The following DLGAP2 variants were observed in gnomAD, a reference collection of about 807,000 sequenced individuals.
DLGAP2 encodes DLG associated protein 2, also known as disks large-associated protein 2.
In DLGAP2, 26 loss-of-function variants were observed where a neutral mutation model predicts 100.3. The observed-to-expected ratio is 0.26, with a 90% CI of 0.19 to 0.36. The LOEUF (loss-of-function observed/expected upper bound fraction) is 0.36. Ranked by LOEUF, DLGAP2 falls within the 10% of genes least tolerant of loss-of-function variation. The pLI is 1.00. For synonymous variants in DLGAP2, 886 were observed against 630.1 expected (o/e 1.41, Z -6.08); for missense variants, 1,858 against 1,453.2 (o/e 1.28, Z -4.53).
At chr8:1,367,380 C>G in intron 3 of DLGAP2, among the ~76,000 whole-genome samples, 1 of 152,302 alleles carries the variant, frequency 6.6e-6, no homozygotes, top group African/African-American at 2.4e-5. Context: ...TTGTTCCTGT[C>G]TCTCTGGGAA....
intron 1 of DLGAP2, among the ~76,000 whole-genome samples, chr8:804,042 C>T (rs1796220638): frequency 6.6e-6 from 1 of 152,040 alleles, no homozygotes; most frequent in South Asian, 2.1e-4. Context: ...TATATGGTGG[C>T]GAGAGTGGTG....
intron 2 of DLGAP2, among the ~76,000 whole-genome samples, chr8:1,113,232 C>T (rs1274202849): frequency 2.0e-5 from 3 of 151,958 alleles, no homozygotes; most frequent in African/African-American, 7.3e-5. Context: ...TTTTCTAGTT[C>T]TGTAAAGAGT....
intron 1 of DLGAP2, among the ~76,000 whole-genome samples, chr8:904,011 C>T (rs1747818591): frequency 6.6e-6 from 1 of 152,202 alleles, no homozygotes; most frequent in Non-Finnish European, 1.5e-5. Context: ...GCAGGGGACA[C>T]ACGCGGTCCA....
At chr8:948,376 C>G (rs1307786808) in intron 2 of DLGAP2, among the ~76,000 whole-genome samples, 1 of 152,196 alleles carries the variant, frequency 6.6e-6, no homozygotes, top group Non-Finnish European at 1.5e-5. Context: ...AAGACGTGAG[C>G]TCGGCCAGCC....
At chr8:1,003,109 C>T (rs1433647442) in intron 2 of DLGAP2, 3 of 152,406 alleles carry the variant, frequency 2.0e-5, no homozygotes, top group Admixed American at 2.0e-4. Context: ...GCAGAGACCC[C>T]TGAGCACTCA....
chr8:1,164,127 CATTTT>C, intron 2 of DLGAP2, among the ~76,000 whole-genome samples: 1 of 94,190 alleles, frequency 1.1e-5, no homozygotes, highest in South Asian at 3.2e-4. Flanking sequence ...CAGGGCCCGT[CATTTT>C]GGTTTGTGGG....
intron 4 of DLGAP2, among the ~76,000 whole-genome samples, chr8:1,523,375 C>T (rs1268455446): frequency 1.3e-5 from 2 of 152,214 alleles, no homozygotes; most frequent in African/African-American, 2.4e-5. Flanking sequence ...ACAGCACAGA[C>T]GGGGGATTTG....
At chr8:1,209,464 T>C (rs995041547) in intron 2 of DLGAP2, among the ~76,000 whole-genome samples, 3 of 152,248 alleles carry the variant, frequency 2.0e-5, no homozygotes, top group African/African-American at 7.2e-5. Context: ...CCTAGATCTG[T>C]GCTGGTCCCA....
At chr8:1,112,484 C>T (rs1228718661) in intron 2 of DLGAP2, among the ~76,000 whole-genome samples, 1 of 152,196 alleles carries the variant, frequency 6.6e-6, no homozygotes, top group Non-Finnish European at 1.5e-5. Context: ...TCATGATTCA[C>T]CTGCCTCAGC....
rs1490402833 is a variant in DLGAP2, at chr8:1,582,556, C to T, written c.1442+16662C>T. Among the ~76,000 whole-genome samples, 9 of 151,586 alleles carry T rather than the reference C, an allele frequency of 5.9e-5. No homozygotes were observed. In the South Asian group the frequency reaches 1.3e-3, roughly 21 times the overall value. The stretch of plus-strand genomic sequence containing the variant: ...GCTAGGGAAATTCATTGCTAGCAGA[C>T]CAGTACTGCAAGAAATAGGAAATGA... On this transcript the variant is annotated intron_variant, in intron 6 of 14. Transcript: ENST00000637795.
intron 2 of DLGAP2, chr8:1,018,882 A>G (rs1234938599): frequency 6.6e-6 from 1 of 152,188 alleles, no homozygotes; most frequent in Admixed American, 6.5e-5. Flanking sequence ...CAGTTTGTGC[A>G]ATGACAAGCT....
At chr8:1,424,851 G>C (rs1471058853) in intron 3 of DLGAP2, among the ~76,000 whole-genome samples, 2 of 152,370 alleles carry the variant, frequency 1.3e-5, no homozygotes, top group East Asian at 3.9e-4. Flanking sequence ...AGACAGGTCA[G>C]AGGGAGGCTG....
intron 8 of DLGAP2, among the ~76,000 whole-genome samples, chr8:1,636,011 G>C (rs146080462): frequency 1.1e-3 from 161 of 152,258 alleles, no homozygotes; most frequent in Non-Finnish European, 1.7e-3. Flanking sequence ...GCATATAAAC[G>C]TTCCTTCGTC....
chr8:763,725 C>T (rs942412715), intron 1 of DLGAP2, among the ~76,000 whole-genome samples: 5 of 151,364 alleles, frequency 3.3e-5, no homozygotes, highest in African/African-American at 7.4e-5. Flanking sequence ...AAAGACAATA[C>T]GTGTGTCCTG....
At chr8:1,547,740 A>G (rs1261597660) in intron 4 of DLGAP2, among the ~76,000 whole-genome samples, 1 of 152,142 alleles carries the variant, frequency 6.6e-6, no homozygotes, top group African/African-American at 2.4e-5. Context: ...GCATTCAGGG[A>G]AAGCCCATCA....
At chr8:778,292 T>C (rs1821583906) in intron 1 of DLGAP2, among the ~76,000 whole-genome samples, 1 of 152,232 alleles carries the variant, frequency 6.6e-6, no homozygotes, top group African/African-American at 2.4e-5. Flanking sequence ...TTGGTTTGCG[T>C]GTCCTCTCGT....
At chr8:1,660,064 G>C (rs1798374285) in intron 8 of DLGAP2, among the ~76,000 whole-genome samples, 1 of 152,096 alleles carries the variant, frequency 6.6e-6, no homozygotes, top group Non-Finnish European at 1.5e-5. Flanking sequence ...CTCAGCATCT[G>C]CTTGTCTGTA....
chr8:1,376,544 C>T (rs1052935971), intron 3 of DLGAP2, among the ~76,000 whole-genome samples: 2 of 152,184 alleles, frequency 1.3e-5, no homozygotes, highest in Admixed American at 6.5e-5. Flanking sequence ...CAGAAGAAGA[C>T]GCTCCCTTTC....
chr8:1,102,632 C>T (rs185373695), intron 2 of DLGAP2, among the ~76,000 whole-genome samples: 1 of 152,280 alleles, frequency 6.6e-6, no homozygotes, highest in East Asian at 1.9e-4. Flanking sequence ...GTTATCTCCC[C>T]ACTGGGCCTG....
Sources: gnomAD v4.1 joint callset for allele counts (sites outside exome capture counted in the v4.1 genomes callset) on GRCh38, gnomAD v4.1.1 for gene constraint, MANE v1.5 for transcripts, NCBI Gene and HGNC (gene_info 2026-07-23, HGNC 2026-07-21) for gene names.